The following AGBL4 variants were observed in gnomAD, a reference collection of about 807,000 sequenced individuals.
AGBL4 encodes the protein cytosolic carboxypeptidase 6.
Under a neutral mutation model 66.4 loss-of-function variants are expected in AGBL4, and 58 were observed. The observed-to-expected ratio is 0.87, with a 90% confidence interval of 0.71 to 1.09. AGBL4 has a LOEUF of 1.09. Ranked by LOEUF, AGBL4 falls within the 50% of genes least tolerant of loss-of-function variation. The pLI, the probability that AGBL4 is intolerant of heterozygous loss-of-function variation, is 0.00. For synonymous variants in AGBL4, 234 were observed against 222.9 expected (o/e 1.05, Z -0.44); for missense variants, 579 against 631.0 (o/e 0.92, Z 0.88).
chr1:49,651,205 C>T (rs920485361), intron 3 of AGBL4, among the ~76,000 whole-genome samples: 7 of 152,126 alleles, frequency 4.6e-5, no homozygotes, highest in African/African-American at 1.2e-4. Flanking sequence ...AACCTTGCAA[C>T]AAGGGCATGA....
chr1:49,511,614 A>AT (rs200646640), intron 3 of AGBL4, among the ~76,000 whole-genome samples: 42 of 151,848 alleles, frequency 2.8e-4, no homozygotes, highest in East Asian at 2.3e-3. Flanking sequence ...ATTAAAAAAA[A>AT]TTTTTTTTTA....
intron 6 of AGBL4, among the ~76,000 whole-genome samples, chr1:48,688,799 CT>C (rs202245188): frequency 0.026 from 3,744 of 143,674 alleles, 118 homozygotes; most frequent in African/African-American, 0.081. Flanking sequence ...TTGCAAAGCT[CT>C]TTTTTTTTTT....
Position 49,048,523 on chromosome 1 carries a change from T to G in AGBL4, c.378-2723A>C, listed in dbSNP as rs140955473. On this transcript the variant is annotated intron_variant, in intron 4 of 13. Transcript: ENST00000371839. Reference sequence around the variant, plus strand: ...TTCAGGGCTTAGATTTTCTAGACTTTCCCAAGGATACAAACAGAAATCTAT... The same window carrying G: ...TTCAGGGCTTAGATTTTCTAGACTTGCCCAAGGATACAAACAGAAATCTAT... 172 of 152,152 alleles carry G rather than the reference T, an allele frequency of 1.1e-3. 1 individual carries two copies. Among genetic ancestry groups the G allele is most frequent in the African/African-American group, 4.0e-3 (165 of 41,494 alleles). The allele number at this position is 152,152 out of a possible 1,614,324, so 9.4% of individuals were successfully genotyped here. A position where few individuals can be genotyped will look rare whatever the true frequency, so the allele number is the denominator to read the frequency against.
At chr1:49,435,070 G>A in intron 3 of AGBL4, among the ~76,000 whole-genome samples, 1 of 152,058 alleles carries the variant, frequency 6.6e-6, no homozygotes, top group Non-Finnish European at 1.5e-5. Context: ...TGCCTTTCCT[G>A]AGTACTTCCT....
At chr1:49,282,591 G>T (rs2148407081) in intron 3 of AGBL4, among the ~76,000 whole-genome samples, 1 of 152,324 alleles carries the variant, frequency 6.6e-6, no homozygotes, top group African/African-American at 2.4e-5. Context: ...GGTGATTTCT[G>T]CATTTCCATC....
chr1:49,015,083 A>C (rs1319176862), intron 5 of AGBL4, among the ~76,000 whole-genome samples: 1 of 152,152 alleles, frequency 6.6e-6, no homozygotes, highest in Non-Finnish European at 1.5e-5. Context: ...GCGTAGGACT[A>C]TTTCTTGCAC....
chr1:49,380,586 T>C lies in AGBL4; in HGVS notation c.283-134722A>G, dbSNP rs535651154. The stretch of plus-strand genomic sequence containing the variant: ...AGCTGGAGGCATCACGCTACCTGAC[T>C]TCAAACTATACTACAAGGCTATAGT... On this transcript the variant is annotated intron_variant, in intron 3 of 13. Transcript: ENST00000371839. Among the ~76,000 whole-genome samples the C allele has an allele frequency of 2.0e-5, 3 of 152,262 alleles. No homozygotes were observed. The South Asian group carries it at 6.2e-4, about 32-fold the overall frequency.
intron 4 of AGBL4, among the ~76,000 whole-genome samples, chr1:49,107,983 A>G (rs1645331699): frequency 6.6e-6 from 1 of 152,168 alleles, no homozygotes; most frequent in Non-Finnish European, 1.5e-5. Context: ...TTTGACAAAT[A>G]AACCTAAAAA....
chr1:49,400,357 C>A (rs967732938), intron 3 of AGBL4, among the ~76,000 whole-genome samples: 1 of 151,470 alleles, frequency 6.6e-6, no homozygotes, highest in Non-Finnish European at 1.5e-5. Flanking sequence ...ATGGCTTTGG[C>A]TATTCTGGGT....
chr1:49,935,983 G>A (rs970617145), intron 1 of AGBL4, among the ~76,000 whole-genome samples: 1 of 152,198 alleles, frequency 6.6e-6, no homozygotes, highest in African/African-American at 2.4e-5. Context: ...CAACGCTGGA[G>A]GGAGAATGAC....
chr1:49,450,532 G>A (rs1646256899), intron 3 of AGBL4, among the ~76,000 whole-genome samples: 1 of 152,118 alleles, frequency 6.6e-6, no homozygotes, highest in East Asian at 1.9e-4. Context: ...AGAAATGTCT[G>A]ATGGGGTCAT....
intron 1 of AGBL4, among the ~76,000 whole-genome samples, chr1:49,962,333 C>T (rs183745010): frequency 1.3e-5 from 2 of 152,156 alleles, no homozygotes; most frequent in Admixed American, 1.3e-4. Context: ...AAAGTTTTTC[C>T]ATTTACCGTG....
chr1:49,891,771 C>T (rs1648678108), intron 1 of AGBL4, among the ~76,000 whole-genome samples: 1 of 152,136 alleles, frequency 6.6e-6, no homozygotes, highest in South Asian at 2.1e-4. Context: ...GAGGAGTTAA[C>T]AATGCAGACT....
At chr1:48,827,783 G>A (rs1275325715) in intron 6 of AGBL4, among the ~76,000 whole-genome samples, 1 of 152,136 alleles carries the variant, frequency 6.6e-6, no homozygotes, top group African/African-American at 2.4e-5. Context: ...CTCATGTGGT[G>A]GATATTCCCT....
chr1:48,753,210 C>T (rs1652029384), intron 6 of AGBL4, among the ~76,000 whole-genome samples: 1 of 152,212 alleles, frequency 6.6e-6, no homozygotes, highest in Admixed American at 6.5e-5. Flanking sequence ...CCTCAGAGCC[C>T]ATTAGGGCTC....
chr1:48,540,502 T>C (rs1644049107), intron 11 of AGBL4, among the ~76,000 whole-genome samples: 1 of 152,098 alleles, frequency 6.6e-6, no homozygotes, highest in African/African-American at 2.4e-5. Flanking sequence ...CCTTGGCTAA[T>C]TCATGCCCCT....
intron 5 of AGBL4, among the ~76,000 whole-genome samples, chr1:48,995,977 T>C (rs1179502394): frequency 1.3e-5 from 2 of 152,026 alleles, no homozygotes; most frequent in South Asian, 2.1e-4. Flanking sequence ...AAACATATAA[T>C]AGTGACCTGG....
At chr1:49,667,520 A>G (rs925552863) in intron 3 of AGBL4, among the ~76,000 whole-genome samples, 2 of 152,188 alleles carry the variant, frequency 1.3e-5, no homozygotes, top group Non-Finnish European at 2.9e-5. Context: ...GAAGGAAAAA[A>G]ATAAGCATAA....
chr1:49,473,839 T>C (rs1375593797), intron 3 of AGBL4, among the ~76,000 whole-genome samples: 1 of 152,108 alleles, frequency 6.6e-6, no homozygotes, highest in African/African-American at 2.4e-5. Context: ...AATTTCACTC[T>C]GCTGTATGTG....
Sources: gnomAD v4.1 joint callset for allele counts (sites outside exome capture counted in the v4.1 genomes callset) on GRCh38, gnomAD v4.1.1 for gene constraint, MANE v1.5 for transcripts, NCBI Gene and HGNC (gene_info 2026-07-23, HGNC 2026-07-21) for gene names.